BCL2L13: variants seen among roughly 807,000 people sequenced by gnomAD.
BCL2L13 encodes the protein BCL2 like 13.
A neutral mutation model predicts 25.8 loss-of-function variants in BCL2L13; 13 were observed. That is an observed-to-expected ratio of 0.50 (90% CI 0.33 to 0.80). The LOEUF is 0.80. BCL2L13 is among the 30% of genes least tolerant of loss of function. The pLI is 0.02. For synonymous variants in BCL2L13, 244 were observed against 230.3 expected, an observed-to-expected ratio of 1.06 and a Z score of -0.54; for missense variants, 504 against 574.9, an observed-to-expected ratio of 0.88 and a Z score of 1.26.
rs144368737 is a variant in BCL2L13 at position 17,673,187 on chromosome 22, ACT to A, written c.122-10023_122-10022del. On this transcript the variant is annotated intron_variant, in intron 2 of 6. Transcript: ENST00000317582. ...GTTCTATGATTCAGTCACTGATTAA[ACT>A]CTCATAAGTATGCAAGTAATAGTGG... is the stretch of plus-strand genomic sequence containing the variant. Among the ~76,000 whole-genome samples, 13 of 151,854 alleles carry A rather than the reference ACT, an allele frequency of 8.6e-5. No individual in the cohort carries two copies. In the East Asian group the frequency reaches 2.3e-3, roughly 27 times the overall value.
chr22:17,638,027 C>T (rs1445831780), upstream of BCL2L13: 6 of 152,112 alleles, frequency 3.9e-5, no homozygotes, highest in Admixed American at 3.9e-4. Flanking sequence ...TTGTCAATGC[C>T]CTCCTTGTTC....
chr22:17,637,222 C>T (rs779524849), upstream of BCL2L13, among the ~76,000 whole-genome samples: 7 of 151,904 alleles, frequency 4.6e-5, no homozygotes, highest in South Asian at 2.1e-4. Flanking sequence ...GCCTAACCAA[C>T]GTGGAGAAAC....
At chr22:17,659,056 T>TTA (rs2058983249) in intron 2 of BCL2L13, among the ~76,000 whole-genome samples, 1 of 28,094 alleles carries the variant, frequency 3.6e-5, no homozygotes, top group Non-Finnish European at 7.4e-5. Flanking sequence ...AGACTCCATC[T>TTA]AAAAAAAAAA....
intron 6 of BCL2L13, among the ~76,000 whole-genome samples, chr22:17,713,074 T>C (rs192771532): frequency 8.4e-4 from 128 of 152,314 alleles, no homozygotes; most frequent in Non-Finnish European, 1.4e-3. Flanking sequence ...TAACCAGATA[T>C]AATGCCTGGG....
chr22:17,716,491 T>C (rs1243467654), intron 6 of BCL2L13, among the ~76,000 whole-genome samples: 1 of 152,114 alleles, frequency 6.6e-6, no homozygotes, highest in Non-Finnish European at 1.5e-5. Flanking sequence ...TCCCCTCCCA[T>C]AGGAAACACC....
At chr22:17,679,246 A>ATGTCAAT (rs1189575554) in intron 2 of BCL2L13, among the ~76,000 whole-genome samples, 4 of 142,124 alleles carry the variant, frequency 2.8e-5, no homozygotes, top group Non-Finnish European at 6.1e-5. Flanking sequence ...TCTGCTGCAT[A>ATGTCAAT]TGTCAATTGG....
Position 17,638,862 on chromosome 22 carries a change from C to T in BCL2L13, c.-75C>T, listed in dbSNP as rs2058162135. 3 of 1,232,514 alleles carry T rather than the reference C, an allele frequency of 2.4e-6. No homozygotes were observed. Among genetic ancestry groups the T allele is most frequent in the Middle Eastern group, 3.1e-4 (1 of 3,212 alleles). 76.3% of individuals were successfully genotyped at this position (1,232,514 alleles called of 1,614,324 possible). ...ACTGCCGCCGCCGCCTCTTTCATCT[C>T]TTCTGGGGCAGGGGCCAGGGCCAGG... is the stretch of plus-strand genomic sequence containing the variant. On this transcript the variant is annotated 5_prime_UTR_variant, in exon 1 of 7. Coordinates refer to ENST00000317582, the MANE Select transcript of BCL2L13 (RefSeq NM_015367.4).
At chr22:17,641,831 A>C (rs2058298300) in intron 1 of BCL2L13, among the ~76,000 whole-genome samples, 1 of 141,460 alleles carries the variant, frequency 7.1e-6, no homozygotes. Context: ...AATGAGTCTC[A>C]CTCTGTCGCC....
chr22:17,726,800 A>G lies in BCL2L13; in HGVS notation c.724A>G (p.Thr242Ala). The G allele has an allele frequency of 8.7e-6, 14 of 1,614,190 alleles. No homozygotes were observed. The highest frequency in any genetic ancestry group is 1.2e-5 in the Non-Finnish European group (14 of 1,180,040). ...ACAAGTCAGTCCCCCAGAGTCTCCA[A>G]CTGTGACCACTTCCTGGCAGTCTGA... ...SGQVSPPESP[T>A]VTTSWQSESL... Residue 242 changes from threonine (T) to alanine (A), a missense_variant, in exon 7 of 7, where the codon ACT becomes GCT. Thr to Ala is a moderately conservative substitution (Grantham distance 58, BLOSUM62 0). Transcript: ENST00000317582.
rs1398951333 is a variant in BCL2L13, at chr22:17,685,069, T to G, written c.229+1748T>G. Among the ~76,000 whole-genome samples the G allele has an allele frequency of 3.3e-5, 5 of 151,982 alleles. No individual in the cohort carries two copies. In the East Asian group the frequency reaches 9.7e-4, roughly 29 times the overall value. ...TTGTACGTTTAATAGAGACAAGGTT[T>G]CTCCATGTTGCTCAGGCTGGTCTTG... On this transcript the variant is annotated intron_variant, in intron 3 of 6. Coordinates refer to ENST00000317582, the MANE Select transcript of BCL2L13 (RefSeq NM_015367.4).
intron 2 of BCL2L13, among the ~76,000 whole-genome samples, chr22:17,674,787 G>C (rs1405893950): frequency 6.6e-6 from 1 of 152,054 alleles, no homozygotes; most frequent in Non-Finnish European, 1.5e-5. Flanking sequence ...CATCTGGCTT[G>C]TTTTGTTAGA....
chr22:17,715,145 TATATATATATATATATATATA>T (rs1569007587), intron 6 of BCL2L13, among the ~76,000 whole-genome samples: 2 of 9,840 alleles, frequency 2.0e-4, no homozygotes, highest in Non-Finnish European at 4.2e-4. Flanking sequence ...TATATATATA[TATATATATATATATATATATA>T]TATATTTTTT....
Position 17,727,501 on chromosome 22 carries a change from C to T in BCL2L13, c.1425C>T (p.Ala475=). The T allele has an allele frequency of 6.2e-7, 1 of 1,614,198 alleles. No individual in the cohort carries two copies. The highest frequency in any genetic ancestry group is 1.3e-5 in the African/African-American group (1 of 75,054). Residue 475 remains alanine, a synonymous_variant, in exon 7 of 7, where the codon GCC becomes GCT. Transcript: ENST00000317582. ...GAAAVAILAV[A]IGVALALRKK is the part of the protein sequence containing the mutation. ...CTGCTGTTGCCATCCTGGCAGTGGC[C>T]ATCGGGGTAGCCCTGGCTCTGAGAA... is the stretch of plus-strand genomic sequence containing the variant.
At position 17,702,373 on chromosome 22, in the gene BCL2L13, A is replaced by C; in HGVS notation, c.587A>C (p.Gln196Pro). 6 of 1,593,894 alleles carry C rather than the reference A, an allele frequency of 3.8e-6. No individual in the cohort carries two copies. The highest frequency in any genetic ancestry group is 5.1e-6 in the Non-Finnish European group (6 of 1,172,014). ...GACTATTCGGCAGAGTACATCATTC[A>C]GCAAGGTGGCTGGGTATGAGCTGTT... ...LEDYSAEYII[Q>P]QGGWGTVFSL... Residue 196 changes from glutamine to proline, a missense_variant, in exon 6 of 7, where the codon CAG becomes CCG. Coordinates refer to ENST00000317582, the MANE Select transcript of BCL2L13 (RefSeq NM_015367.4).
At chr22:17,666,250 T>C (rs1258536960) in intron 2 of BCL2L13, among the ~76,000 whole-genome samples, 1 of 152,052 alleles carries the variant, frequency 6.6e-6, no homozygotes, top group Non-Finnish European at 1.5e-5. Context: ...TAGGTGTATA[T>C]ATATATTTAT....
intron 3 of BCL2L13, among the ~76,000 whole-genome samples, chr22:17,684,962 C>T (rs1230394905): frequency 6.6e-6 from 1 of 152,050 alleles, no homozygotes; most frequent in Non-Finnish European, 1.5e-5. Flanking sequence ...TCGTTGATCT[C>T]CTGACCTTGT....
intron 2 of BCL2L13, among the ~76,000 whole-genome samples, chr22:17,681,599 C>T (rs919409549): frequency 6.6e-6 from 1 of 151,998 alleles, no homozygotes; most frequent in African/African-American, 2.4e-5. Context: ...AATTGCTTGC[C>T]AAACATTGTG....
chr22:17,680,773 G>C (rs5747323), intron 2 of BCL2L13, among the ~76,000 whole-genome samples: 1 of 151,666 alleles, frequency 6.6e-6, no homozygotes, highest in Non-Finnish European at 1.5e-5. Flanking sequence ...TCTGGGTGGT[G>C]ATTTTAGTAT....
At chr22:17,713,682 C>G in intron 6 of BCL2L13, among the ~76,000 whole-genome samples, 1 of 151,350 alleles carries the variant, frequency 6.6e-6, no homozygotes, top group South Asian at 2.1e-4. Flanking sequence ...GGATGGTCTC[C>G]ATCTCTTGAC....
Sources: allele counts gnomAD v4.1 joint callset (sites outside exome capture counted in the v4.1 genomes callset), GRCh38; gene constraint gnomAD v4.1.1; transcripts MANE v1.5; gene names NCBI Gene and HGNC (gene_info 2026-07-23, HGNC 2026-07-21).